Variants in RNF150 observed in about 807,000 individuals in gnomAD.
RNF150 encodes ring finger protein 150.
In RNF150, 24 loss-of-function variants were observed where a neutral mutation model predicts 39.3. That is an observed-to-expected ratio of 0.61 (90% CI 0.44 to 0.86). The LOEUF (loss-of-function observed/expected upper bound fraction) is 0.86. Ranked by LOEUF, RNF150 falls within the 40% of genes least tolerant of loss-of-function variation. The pLI, the probability that RNF150 is intolerant of heterozygous loss-of-function variation, is 0.00. For missense variants in RNF150, 502 were observed against 587.8 expected (o/e 0.85, Z 1.51); for synonymous variants, 255 against 227.3 (o/e 1.12, Z -1.10).
rs114311482 is a variant in RNF150, at chr4:140,927,331, G to T, written c.891-1258C>A. 4.0e-3 allele frequency among the ~76,000 whole-genome samples: 616 copies of T among 152,280 alleles called. 3 individuals are homozygous for T. Among genetic ancestry groups the T allele is most frequent in the African/African-American group, 0.014 (591 of 41,578 alleles). ...TGATATGGTTTGGGTCTGTGTCCCT[G>T]CCCAAATATCATGTCGAATTGTAAT... On this transcript the variant is annotated intron_variant, in intron 4 of 6. Coordinates refer to ENST00000515673, the MANE Select transcript of RNF150 (RefSeq NM_020724.2).
chr4:141,050,110 T>G lies in RNF150; in HGVS notation c.484+82215A>C, dbSNP rs368235529. Among the ~76,000 whole-genome samples, 9 of 152,186 alleles carry G rather than the reference T, an allele frequency of 5.9e-5. No homozygotes were observed. The East Asian group carries it at 1.7e-3, about 29-fold the overall frequency. On this transcript the variant is annotated intron_variant, in intron 1 of 6. Coordinates refer to ENST00000515673, the MANE Select transcript of RNF150 (RefSeq NM_020724.2). ...AACAGCAGAAACACATATATACATG[T>G]AAGTATATATAAGTATATGTACATA...
intron 1 of RNF150, among the ~76,000 whole-genome samples, chr4:141,096,363 A>G (rs1738784614): frequency 6.6e-6 from 1 of 151,442 alleles, no homozygotes. Flanking sequence ...TGCCTGGCTA[A>G]TTTTTTGTAA....
intron 1 of RNF150, among the ~76,000 whole-genome samples, chr4:141,206,374 G>A (rs919562935): frequency 7.0e-6 from 1 of 142,162 alleles, no homozygotes; most frequent in Admixed American, 7.5e-5. Flanking sequence ...AGCCAAGATC[G>A]CAGCATTGCA....
intron 1 of RNF150, among the ~76,000 whole-genome samples, chr4:141,010,716 C>T (rs1030244434): frequency 6.6e-6 from 1 of 152,048 alleles, no homozygotes; most frequent in African/African-American, 2.4e-5. Flanking sequence ...TATCCACACC[C>T]GCCGCTAACA....
intron 5 of RNF150, among the ~76,000 whole-genome samples, chr4:140,920,622 G>A (rs1391576023): frequency 9.9e-4 from 147 of 148,462 alleles, no homozygotes; most frequent in African/African-American, 1.2e-3. Flanking sequence ...TGTGGAAGTC[G>A]GTGTGGCGAT....
intron 1 of RNF150, among the ~76,000 whole-genome samples, chr4:141,124,373 G>T (rs945532577): frequency 6.6e-6 from 1 of 152,190 alleles, no homozygotes; most frequent in African/African-American, 2.4e-5. Context: ...CACTAGTTCA[G>T]GGAAGAGTAG....
chr4:141,110,189 C>A (rs1739341431), intron 1 of RNF150, among the ~76,000 whole-genome samples: 1 of 152,168 alleles, frequency 6.6e-6, no homozygotes, highest in Non-Finnish European at 1.5e-5. Flanking sequence ...CGGTCTGCCT[C>A]CTAATGGCAG....
intron 1 of RNF150, among the ~76,000 whole-genome samples, chr4:141,154,299 C>G (rs1303320878): frequency 1.3e-5 from 2 of 152,184 alleles, no homozygotes; most frequent in African/African-American, 4.8e-5. Context: ...CAGATCCTCC[C>G]CACTCTGGTG....
At chr4:141,099,438 G>A (rs1196517917) in intron 1 of RNF150, among the ~76,000 whole-genome samples, 1 of 152,124 alleles carries the variant, frequency 6.6e-6, no homozygotes, top group Admixed American at 6.6e-5. Flanking sequence ...GAAGAGACAG[G>A]GAGGAGAGAG....
At chr4:141,111,641 C>T (rs549923540) in intron 1 of RNF150, among the ~76,000 whole-genome samples, 34 of 152,136 alleles carry the variant, frequency 2.2e-4, no homozygotes, top group Admixed American at 6.5e-4. Flanking sequence ...AATAGACAAA[C>T]GAATTCCTGA....
At chr4:141,189,799 G>A (rs1041898761) in intron 1 of RNF150, among the ~76,000 whole-genome samples, 3 of 152,310 alleles carry the variant, frequency 2.0e-5, no homozygotes, top group South Asian at 2.1e-4. Flanking sequence ...TGCTGGCAGC[G>A]AGAATTTCAT....
At position 140,883,572 on chromosome 4, in the gene RNF150, C is replaced by T. The variant is rs150645092; in HGVS notation, c.1199-15193G>A. 4.2e-3 allele frequency among the ~76,000 whole-genome samples: 639 copies of T among 152,166 alleles called. 4 individuals are homozygous for T. Among genetic ancestry groups the T allele is most frequent in the African/African-American group, 0.014 (594 of 41,526 alleles). On this transcript the variant is annotated intron_variant, in intron 6 of 6. Transcript: ENST00000515673. Reference sequence around the variant, plus strand: ...AGTATTTTTGGTTGACATTTTTTTCCCTTTTTCTCAGTACTTTAAATATAT... The same window carrying T: ...AGTATTTTTGGTTGACATTTTTTTCTCTTTTTCTCAGTACTTTAAATATAT...
chr4:141,022,745 A>G (rs934155932), intron 1 of RNF150, among the ~76,000 whole-genome samples: 4 of 152,206 alleles, frequency 2.6e-5, no homozygotes, highest in African/African-American at 9.6e-5. Flanking sequence ...TTTTTATTAC[A>G]TTTTTGAAAT....
chr4:141,061,323 A>T (rs775517479), intron 1 of RNF150, among the ~76,000 whole-genome samples: 4 of 152,134 alleles, frequency 2.6e-5, no homozygotes, highest in Non-Finnish European at 5.9e-5. Context: ...CATTTCAGAA[A>T]GCAATTCTGA....
intron 1 of RNF150, among the ~76,000 whole-genome samples, chr4:141,139,358 G>C (rs938600030): frequency 2.7e-4 from 41 of 152,338 alleles, no homozygotes; most frequent in African/African-American, 7.7e-4. Flanking sequence ...TAATCATCTA[G>C]GTGAATTGTG....
At chr4:141,144,131 C>A (rs185109636) in intron 1 of RNF150, among the ~76,000 whole-genome samples, 40 of 73,216 alleles carry the variant, frequency 5.5e-4, no homozygotes, top group East Asian at 4.6e-3. Flanking sequence ...GAAAAAAAAC[C>A]CACAAAACTT....
chr4:140,899,939 TCA>T (rs1491046241), intron 6 of RNF150, among the ~76,000 whole-genome samples: 6 of 127,514 alleles, frequency 4.7e-5, no homozygotes, highest in Non-Finnish European at 9.8e-5. Context: ...GTTCTCTCTC[TCA>T]CTTTCTCTCT....
intron 6 of RNF150, among the ~76,000 whole-genome samples, chr4:140,889,085 G>A (rs1729673862): frequency 6.6e-6 from 1 of 151,552 alleles, no homozygotes; most frequent in South Asian, 2.1e-4. Flanking sequence ...GTCTTGCTGT[G>A]TTGCCCAGGG....
intron 6 of RNF150, among the ~76,000 whole-genome samples, chr4:140,907,726 C>T (rs1178184095): frequency 6.6e-6 from 1 of 152,178 alleles, no homozygotes; most frequent in Non-Finnish European, 1.5e-5. Flanking sequence ...CATTGCTAAA[C>T]CTGGGCTCTG....
Sources: gnomAD v4.1 joint callset for allele counts (sites outside exome capture counted in the v4.1 genomes callset) on GRCh38, gnomAD v4.1.1 for gene constraint, MANE v1.5 for transcripts, NCBI Gene and HGNC (gene_info 2026-07-23, HGNC 2026-07-21) for gene names.